CNTNAP2: variants seen among roughly 807,000 people sequenced by gnomAD.
CNTNAP2 encodes the protein contactin-associated protein-like 2.
Under a neutral mutation model 155.2 loss-of-function variants are expected in CNTNAP2, and 98 were observed. The observed-to-expected ratio is 0.63, with a 90% CI of 0.54 to 0.75. The LOEUF is 0.75. CNTNAP2 is among the 30% of genes least tolerant of loss of function. The probability of loss-of-function intolerance (pLI) is 0.00; values close to 1 mark genes in which losing one functional copy is unlikely to be tolerated. For missense variants in CNTNAP2, 1,727 were observed against 1,688.1 expected (o/e 1.02, Z -0.40); for synonymous variants, 651 against 631.2 (o/e 1.03, Z -0.47).
chr7:148,365,657 T>TC (rs771469921), intron 21 of CNTNAP2, among the ~76,000 whole-genome samples: 1 of 151,972 alleles, frequency 6.6e-6, no homozygotes, highest in Non-Finnish European at 1.5e-5. Context: ...AGAGTGAGAC[T>TC]CCATCTCATA....
chr7:148,117,713 A>G (rs1176757765), intron 15 of CNTNAP2, among the ~76,000 whole-genome samples: 2 of 152,004 alleles, frequency 1.3e-5, no homozygotes, highest in African/African-American at 2.4e-5. Context: ...TGTTGTGTCT[A>G]TTGGCATTTA....
intron 10 of CNTNAP2, among the ~76,000 whole-genome samples, chr7:147,456,451 G>T (rs1408559921): frequency 6.6e-6 from 1 of 152,150 alleles, no homozygotes; most frequent in Admixed American, 6.6e-5. Flanking sequence ...AAACAGTTTT[G>T]AAGATATTAT....
At chr7:146,127,280 T>TGA (rs1367695799) in intron 1 of CNTNAP2, among the ~76,000 whole-genome samples, 1 of 152,220 alleles carries the variant, frequency 6.6e-6, no homozygotes, top group East Asian at 1.9e-4. Context: ...AGCAGACTGA[T>TGA]GTATCAACAC....
At chr7:146,712,996 G>A (rs1801125397) in intron 1 of CNTNAP2, among the ~76,000 whole-genome samples, 2 of 151,878 alleles carry the variant, frequency 1.3e-5, no homozygotes, top group Non-Finnish European at 2.9e-5. Context: ...TATTGCCAGA[G>A]ATGAAATGCC....
rs117762727 is a variant in CNTNAP2, at chr7:147,696,306, A to G, written c.2098+57000A>G. ...CTTTTTGTGGTTCTGAGGATTTTAT[A>G]TGACTCTATCCTCTCTCTTTTCTTA... is the stretch of plus-strand genomic sequence containing the variant. On this transcript the variant is annotated intron_variant, in intron 13 of 23. Coordinates refer to ENST00000361727, the MANE Select transcript of CNTNAP2 (RefSeq NM_014141.6). 2.2e-3 allele frequency among the ~76,000 whole-genome samples: 334 copies of G among 152,202 alleles called. 1 individual carries two copies. Among genetic ancestry groups the G allele is most frequent in the Non-Finnish European group, 3.7e-3 (254 of 67,998 alleles).
chr7:147,149,439 C>T (rs1254525481), intron 8 of CNTNAP2, among the ~76,000 whole-genome samples: 3 of 152,254 alleles, frequency 2.0e-5, no homozygotes, highest in African/African-American at 2.4e-5. Context: ...GGCTTCACCT[C>T]TCATAAACAT....
intron 17 of CNTNAP2, among the ~76,000 whole-genome samples, chr7:148,158,727 T>C (rs978858228): frequency 6.6e-6 from 1 of 152,236 alleles, no homozygotes; most frequent in Non-Finnish European, 1.5e-5. Context: ...CTCTGGTCTT[T>C]CTTCCAACAT....
At chr7:146,605,087 CAA>C (rs57021805) in intron 1 of CNTNAP2, among the ~76,000 whole-genome samples, 5,542 of 144,064 alleles carry the variant, frequency 0.038, 404 homozygotes, top group African/African-American at 0.13. Context: ...AAAAAAACAA[CAA>C]AAAAAAAAAG....
chr7:147,684,305 G>A (rs182774459), intron 13 of CNTNAP2, among the ~76,000 whole-genome samples: 1 of 151,934 alleles, frequency 6.6e-6, no homozygotes, highest in East Asian at 1.9e-4. Flanking sequence ...CCTATAGCTT[G>A]TTGGTATGCT....
intron 15 of CNTNAP2, among the ~76,000 whole-genome samples, chr7:148,017,485 A>C (rs575877480): frequency 1.3e-5 from 2 of 152,360 alleles, no homozygotes; most frequent in South Asian, 4.1e-4. Flanking sequence ...ATAAGACCAA[A>C]AGAATACTAA....
At chr7:146,187,245 G>A (rs140146449) in intron 1 of CNTNAP2, among the ~76,000 whole-genome samples, 46 of 152,238 alleles carry the variant, frequency 3.0e-4, no homozygotes, top group Middle Eastern at 6.8e-3. Context: ...ACCCTCAAGC[G>A]TTAGCACCCT....
At chr7:147,165,997 A>G (rs757857743) in intron 8 of CNTNAP2, among the ~76,000 whole-genome samples, 1 of 152,186 alleles carries the variant, frequency 6.6e-6, no homozygotes, top group Non-Finnish European at 1.5e-5. Flanking sequence ...TAAAAGTAGA[A>G]CTACCCTTTG....
At chr7:146,781,900 G>C (rs1802497855) in intron 2 of CNTNAP2, among the ~76,000 whole-genome samples, 1 of 152,138 alleles carries the variant, frequency 6.6e-6, no homozygotes, top group South Asian at 2.1e-4. Context: ...GGCATTGTCT[G>C]TCTGTGTGGC....
chr7:147,277,071 T>C (rs951112419), intron 8 of CNTNAP2, among the ~76,000 whole-genome samples: 1 of 152,054 alleles, frequency 6.6e-6, no homozygotes, highest in Non-Finnish European at 1.5e-5. Context: ...CTCATGATTT[T>C]TGTGGTTCAG....
intron 1 of CNTNAP2, among the ~76,000 whole-genome samples, chr7:146,517,711 T>C (rs1413866743): frequency 6.6e-6 from 1 of 151,886 alleles, no homozygotes. Flanking sequence ...CTGATGGGCA[T>C]TAATGGAAGC....
intron 15 of CNTNAP2, among the ~76,000 whole-genome samples, chr7:148,109,355 T>G (rs937692596): frequency 7.9e-6 from 1 of 127,020 alleles, no homozygotes; most frequent in Non-Finnish European, 1.7e-5. Context: ...AGAGAGGTGT[T>G]TTGTTTTGTT....
At chr7:146,447,482 T>G (rs2129121405) in intron 1 of CNTNAP2, among the ~76,000 whole-genome samples, 1 of 152,176 alleles carries the variant, frequency 6.6e-6, no homozygotes, top group South Asian at 2.1e-4. Flanking sequence ...ATTTTCAAAT[T>G]GTTTCCTACA....
intron 3 of CNTNAP2, among the ~76,000 whole-genome samples, chr7:146,929,437 G>C (rs1328714701): frequency 6.6e-6 from 1 of 152,104 alleles, no homozygotes; most frequent in Non-Finnish European, 1.5e-5. Context: ...AAACCCATCT[G>C]TACATCACCA....
intron 1 of CNTNAP2, among the ~76,000 whole-genome samples, chr7:146,229,266 G>T (rs758299796): frequency 6.6e-6 from 1 of 152,068 alleles, no homozygotes; most frequent in Non-Finnish European, 1.5e-5. Context: ...AAAACACTAA[G>T]AACATTCTGT....
Sources: allele counts gnomAD v4.1 joint callset (sites outside exome capture counted in the v4.1 genomes callset), GRCh38; gene constraint gnomAD v4.1.1; transcripts MANE v1.5; gene names NCBI Gene and HGNC (gene_info 2026-07-23, HGNC 2026-07-21).